DSCAM: variants seen among roughly 807,000 people sequenced by gnomAD.
The protein encoded by DSCAM is DS cell adhesion molecule, also known as cell adhesion molecule DSCAM.
In DSCAM, 47 loss-of-function variants were observed where a neutral mutation model predicts 217.7. That is an observed-to-expected ratio of 0.22 (90% confidence interval 0.17 to 0.28). DSCAM has a LOEUF of 0.28. Among genes scored for constraint, DSCAM ranks in the 10% least tolerant of loss-of-function variants. DSCAM has a pLI of 1.00. For synonymous variants in DSCAM, 1,056 were observed against 1,015.3 expected (o/e 1.04, Z -0.76); for missense variants, 2,080 against 2,618.3 (o/e 0.79, Z 4.49).
intron 1 of DSCAM, among the ~76,000 whole-genome samples, chr21:40,746,405 A>G (rs1771071058): frequency 6.7e-6 from 1 of 149,466 alleles, no homozygotes; most frequent in South Asian, 2.1e-4. Flanking sequence ...AACAATATTT[A>G]TATCAGATAA....
chr21:40,424,584 T>C (rs1010154586), intron 3 of DSCAM, among the ~76,000 whole-genome samples: 1 of 152,116 alleles, frequency 6.6e-6, no homozygotes, highest in African/African-American at 2.4e-5. Context: ...TCCAGAACTG[T>C]GAGAGAATCA....
chr21:40,486,345 A>C (rs1203311593), intron 3 of DSCAM, among the ~76,000 whole-genome samples: 1 of 152,024 alleles, frequency 6.6e-6, no homozygotes, highest in Non-Finnish European at 1.5e-5. Context: ...CCTTTTTCAG[A>C]TGACTCCAGA....
chr21:40,356,567 AG>A (rs762093467), intron 4 of DSCAM, among the ~76,000 whole-genome samples: 25 of 152,214 alleles, frequency 1.6e-4, no homozygotes, highest in Non-Finnish European at 1.9e-4. Context: ...CTTAGCTGGG[AG>A]GGGTGTTTTT....
chr21:40,431,769 G>C (rs1450908983), intron 3 of DSCAM, among the ~76,000 whole-genome samples: 8 of 152,200 alleles, frequency 5.3e-5, no homozygotes, highest in Non-Finnish European at 1.0e-4. Flanking sequence ...GTTATATGCA[G>C]ATTTCTGGCT....
chr21:40,428,234 TTGTGTGTGTGTGTGTG>T (rs71186936), intron 3 of DSCAM, among the ~76,000 whole-genome samples: 35,966 of 129,220 alleles, frequency 0.28, 5,499 homozygotes, highest in East Asian at 0.38. Context: ...GGCAAATACT[TTGTGTGTGTGTGTGTG>T]TGTGTGTGTG....
In DSCAM at chr21:40,130,616, C is replaced by A. The variant is rs138377074; in HGVS notation, c.3562+3238G>T. On this transcript the variant is annotated intron_variant, in intron 19 of 32. Transcript: ENST00000400454. Reference sequence around the variant, plus strand: ...ACAGACATGAGAATATGTCCATGCACCGGAGACTATAGTTATGGATAAGAG... The same window carrying A: ...ACAGACATGAGAATATGTCCATGCAACGGAGACTATAGTTATGGATAAGAG... Among the ~76,000 whole-genome samples, 511 of 152,052 alleles carry A rather than the reference C, an allele frequency of 3.4e-3. 2 individuals carry two copies. Among genetic ancestry groups the A allele is most frequent in the African/African-American group, 0.012 (495 of 41,464 alleles).
At chr21:40,627,040 A>G (rs2089610232) in intron 3 of DSCAM, among the ~76,000 whole-genome samples, 1 of 152,220 alleles carries the variant, frequency 6.6e-6, no homozygotes, top group South Asian at 2.1e-4. Flanking sequence ...AAAGAGCTCC[A>G]GCTGCCCCCT....
At chr21:40,388,686 T>G (rs1439751763) in intron 3 of DSCAM, among the ~76,000 whole-genome samples, 1 of 152,198 alleles carries the variant, frequency 6.6e-6, no homozygotes. Context: ...TTGAAAATAT[T>G]TGATACAACT....
At chr21:40,024,704 T>G (rs1229637707) in intron 32 of DSCAM, among the ~76,000 whole-genome samples, 1 of 74,124 alleles carries the variant, frequency 1.3e-5, no homozygotes, top group Non-Finnish European at 2.9e-5. Context: ...TGCTTGTGAC[T>G]TTTGTACATT....
In DSCAM at chr21:40,013,174, C is replaced by A. The variant is rs2088091586; in HGVS notation, c.5899G>T (p.Ala1967Ser). ...TCCCGCTGAGGTAATGTGGCCACGGCCCCCGGCTGCCACGACTGTCCTTCT... is the reference window on the plus strand; with the variant it reads ...TCCCGCTGAGGTAATGTGGCCACGGACCCCGGCTGCCACGACTGTCCTTCT... ...TREGQSWQPG[A>S]VATLPQREGA... is the part of the protein sequence containing the mutation. The change falls in exon 33 of 33, where the codon GCC becomes TCC. Residue 1967 changes from alanine (A) to serine (S), a missense_variant. Ala to Ser is a moderately conservative substitution (Grantham distance 99, BLOSUM62 1). Around this residue, in one of 5 missense-constraint regions of DSCAM, gnomAD observed 145 missense variants for 138.5 expected, o/e 1.05. Transcript: ENST00000400454. 2 of 1,612,716 alleles carry A rather than the reference C, an allele frequency of 1.2e-6. No homozygotes were observed. The highest frequency in any genetic ancestry group is 1.7e-5 in the Admixed American group (1 of 59,864).
Position 40,526,818 on chromosome 21 carries a change from G to GA in DSCAM, c.509-157574dup, listed in dbSNP as rs137955920. Reference sequence around the variant, plus strand: ...TTGTCAAAATCAATTAGTTAATTAAGAAAAAAAAAACAGAGCTCTGGATTT... The same window carrying GA: ...TTGTCAAAATCAATTAGTTAATTAAGAAAAAAAAAAACAGAGCTCTGGATTT... On this transcript the variant is annotated intron_variant, in intron 3 of 32. Coordinates refer to ENST00000400454, the MANE Select transcript of DSCAM (RefSeq NM_001389.5). Among the ~76,000 whole-genome samples the GA allele has an allele frequency of 6.6e-3, 962 of 145,618 alleles. 11 individuals carry two copies. Among genetic ancestry groups the GA allele is most frequent in the African/African-American group, 0.021 (828 of 39,924 alleles).
At chr21:40,361,129 T>A (rs1014921487) in intron 4 of DSCAM, among the ~76,000 whole-genome samples, 3 of 149,076 alleles carry the variant, frequency 2.0e-5, no homozygotes, top group South Asian at 4.2e-4. Flanking sequence ...CTTCAAACTT[T>A]TATATATATA....
chr21:40,127,793 G>A (rs573426334), intron 19 of DSCAM, among the ~76,000 whole-genome samples: 1 of 152,236 alleles, frequency 6.6e-6, no homozygotes, highest in South Asian at 2.1e-4. Flanking sequence ...TGGGCCCTTT[G>A]GAGGTCCACA....
intron 3 of DSCAM, among the ~76,000 whole-genome samples, chr21:40,652,831 G>T (rs1417145267): frequency 6.6e-6 from 1 of 152,216 alleles, no homozygotes; most frequent in African/African-American, 2.4e-5. Context: ...ATTATGACGA[G>T]TGTCTGTTTT....
In DSCAM at chr21:40,011,533, A is replaced by G. The variant is rs1181565372; in HGVS notation, c.*1501T>C. ...TGGTTAATGCCAAATCTCTGACACAAAGACCTGTTTATCTTTCCATTTTAT... is the reference window on the plus strand; with the variant it reads ...TGGTTAATGCCAAATCTCTGACACAGAGACCTGTTTATCTTTCCATTTTAT... On this transcript the variant is annotated 3_prime_UTR_variant, in exon 33 of 33. Transcript: ENST00000400454. 2.0e-5 allele frequency: 3 copies of G among 152,198 alleles called. No homozygotes were observed. Among genetic ancestry groups the G allele is most frequent in the Non-Finnish European group, 4.4e-5 (3 of 68,046 alleles). The allele number at this position is 152,198 out of a possible 1,614,324, so 9.4% of individuals were successfully genotyped here.
At chr21:40,514,633 C>T (rs1210126148) in intron 3 of DSCAM, among the ~76,000 whole-genome samples, 2 of 152,176 alleles carry the variant, frequency 1.3e-5, no homozygotes, top group South Asian at 2.1e-4. Flanking sequence ...AAAAAACTAA[C>T]GATCCTTTAT....
chr21:40,579,155 C>T (rs1049610008), intron 3 of DSCAM, among the ~76,000 whole-genome samples: 1 of 152,040 alleles, frequency 6.6e-6, no homozygotes, highest in Non-Finnish European at 1.5e-5. Context: ...CCACAGAAAG[C>T]AAGCAAAAGA....
chr21:40,017,011 G>A (rs1229638146), intron 32 of DSCAM, among the ~76,000 whole-genome samples: 1 of 151,810 alleles, frequency 6.6e-6, no homozygotes. Context: ...AGCTACTCAG[G>A]AGGCTGAGGC....
At chr21:40,367,305 T>C (rs986636843) in intron 4 of DSCAM, among the ~76,000 whole-genome samples, 1 of 152,162 alleles carries the variant, frequency 6.6e-6, no homozygotes, top group African/African-American at 2.4e-5. Context: ...CTTCCACCTC[T>C]GCTGCTGGTC....
Sources: gnomAD v4.1 joint callset for allele counts (sites outside exome capture counted in the v4.1 genomes callset) on GRCh38, gnomAD v4.1.1 for gene constraint, gnomAD v4.1.1 regional missense constraint, MANE v1.5 for transcripts, NCBI Gene and HGNC (gene_info 2026-07-23, HGNC 2026-07-21) for gene names.